Variants in DNM3 observed in about 807,000 individuals in gnomAD.
DNM3 encodes the protein dynamin-3.
DNM3 carries 47 observed loss-of-function variants against 101.6 expected under a neutral mutation model. That is an observed-to-expected ratio of 0.46 (90% CI 0.37 to 0.59). The LOEUF is 0.59. DNM3 is among the 20% of genes least tolerant of loss of function. The probability of loss-of-function intolerance (pLI) is 0.00; values close to 1 mark genes in which losing one functional copy is unlikely to be tolerated. For missense variants in DNM3, 849 were observed against 1,085.7 expected (o/e 0.78, Z 3.06); for synonymous variants, 385 against 387.9 (o/e 0.99, Z 0.09).
At position 172,015,557 on chromosome 1, in the gene DNM3, T is replaced by G. The variant is rs2047395808; in HGVS notation, c.590-16845T>G. 2.6e-5 allele frequency among the ~76,000 whole-genome samples: 4 copies of G among 152,302 alleles called. No homozygotes were observed. In the South Asian group the frequency reaches 8.3e-4, roughly 32 times the overall value. On this transcript the variant is annotated intron_variant, in intron 4 of 20. Coordinates refer to ENST00000627582, the MANE Select transcript of DNM3 (RefSeq NM_015569.5). ...TGTAAATAGTAATGTACTTTTAATT[T>G]CAAATTCTGCTTGTTTATTGCTGGT...
chr1:171,944,889 G>T, intron 2 of DNM3, among the ~76,000 whole-genome samples: 3 of 120,168 alleles, frequency 2.5e-5, no homozygotes, highest in Admixed American at 9.0e-5. Flanking sequence ...TTTGAGGCAG[G>T]GTCTCACTCT....
At chr1:172,014,857 T>C (rs1257305058) in intron 4 of DNM3, among the ~76,000 whole-genome samples, 3 of 152,134 alleles carry the variant, frequency 2.0e-5, no homozygotes, top group Non-Finnish European at 2.9e-5. Context: ...TCTAGAAAGT[T>C]ATTGCTGTAC....
chr1:172,105,424 G>A (rs1424631562), intron 13 of DNM3, among the ~76,000 whole-genome samples: 1 of 152,186 alleles, frequency 6.6e-6, no homozygotes, highest in Non-Finnish European at 1.5e-5. Flanking sequence ...CCTGGTGAAG[G>A]ATGAACTCTT....
intron 11 of DNM3, among the ~76,000 whole-genome samples, chr1:172,076,655 AG>A (rs1392386373): frequency 1.3e-5 from 2 of 152,146 alleles, no homozygotes; most frequent in African/African-American, 4.8e-5. Flanking sequence ...CTTGAGTCTC[AG>A]GGATGAAGCC....
intron 14 of DNM3, among the ~76,000 whole-genome samples, chr1:172,208,122 T>C (rs1425527059): frequency 6.6e-6 from 1 of 152,082 alleles, no homozygotes; most frequent in Non-Finnish European, 1.5e-5. Context: ...AAGTGAGAAT[T>C]TTGACTGATA....
chr1:171,963,004 C>A (rs1401484442), intron 2 of DNM3, among the ~76,000 whole-genome samples: 1 of 152,100 alleles, frequency 6.6e-6, no homozygotes, highest in East Asian at 1.9e-4. Flanking sequence ...TAAACATATC[C>A]TTAACATATT....
rs771331882 is a variant in DNM3, at chr1:172,017,871, TA to T, written c.590-14530del. 3.0e-4 allele frequency among the ~76,000 whole-genome samples: 46 copies of T among 152,180 alleles called. 1 individual carries two copies. Among genetic ancestry groups the T allele is most frequent in the Admixed American group, 2.8e-3 (43 of 15,280 alleles). ...CTTTCTGTTTCTCCTCAGGTATTTT[TA>T]TGCTCTGCTGTTAGATTCATACATG... On this transcript the variant is annotated intron_variant, in intron 4 of 20. Coordinates refer to ENST00000627582, the MANE Select transcript of DNM3 (RefSeq NM_015569.5).
intron 16 of DNM3, among the ~76,000 whole-genome samples, chr1:172,312,245 G>A (rs1302267218): frequency 2.0e-5 from 3 of 152,150 alleles, no homozygotes; most frequent in African/African-American, 4.8e-5. Context: ...ATAAACCATT[G>A]AGTCTACAAA....
intron 15 of DNM3, among the ~76,000 whole-genome samples, chr1:172,261,130 G>A (rs2062627632): frequency 6.6e-6 from 1 of 152,050 alleles, no homozygotes; most frequent in African/African-American, 2.4e-5. Context: ...TCTTTTTATT[G>A]GGATCTGTTG....
chr1:171,941,625 G>A (rs573506546), intron 2 of DNM3, among the ~76,000 whole-genome samples: 1 of 152,264 alleles, frequency 6.6e-6, no homozygotes, highest in African/African-American at 2.4e-5. Context: ...GTATATTTGT[G>A]TTCATCCTAA....
At chr1:171,997,778 G>A (rs1403919281) in intron 4 of DNM3, among the ~76,000 whole-genome samples, 2 of 152,096 alleles carry the variant, frequency 1.3e-5, no homozygotes, top group African/African-American at 4.8e-5. Context: ...TGCTCAGTAC[G>A]TGTTTCTGAT....
At chr1:171,979,750 T>C (rs16843654) in intron 2 of DNM3, among the ~76,000 whole-genome samples, 1 of 152,188 alleles carries the variant, frequency 6.6e-6, no homozygotes, top group Non-Finnish European at 1.5e-5. Flanking sequence ...AGAAGAAAAC[T>C]GTAAAGGCTA....
intron 17 of DNM3, among the ~76,000 whole-genome samples, chr1:172,373,567 T>TAC (rs2068456029): frequency 6.6e-6 from 1 of 152,104 alleles, no homozygotes; most frequent in African/African-American, 2.4e-5. Flanking sequence ...ATTTTTATTA[T>TAC]AAATGCAGCC....
chr1:172,337,871 A>T (rs867275755), intron 17 of DNM3, among the ~76,000 whole-genome samples: 88 of 75,236 alleles, frequency 1.2e-3, no homozygotes, highest in African/African-American at 0.012. Context: ...TTTTATTTTT[A>T]TTTTATTTTA....
At position 172,205,335 on chromosome 1, in the gene DNM3, C is replaced by T. The variant is rs368244819; in HGVS notation, c.1660-48238C>T. 2.4e-3 allele frequency among the ~76,000 whole-genome samples: 367 copies of T among 152,144 alleles called. 1 individual carries two copies. The highest frequency in any genetic ancestry group is 8.1e-3 in the African/African-American group (338 of 41,532). On this transcript the variant is annotated intron_variant, in intron 14 of 20. Coordinates refer to ENST00000627582, the MANE Select transcript of DNM3 (RefSeq NM_015569.5). ...AACTTTGCCTTTATTCAAGCTAGCT[C>T]GTCTAAATGGACTACCAGTTCTTAC...
intron 20 of DNM3, among the ~76,000 whole-genome samples, chr1:172,395,611 T>C (rs2069918855): frequency 6.6e-6 from 1 of 152,252 alleles, no homozygotes; most frequent in Non-Finnish European, 1.5e-5. Flanking sequence ...AAGAAAAACA[T>C]TGAGGATTTA....
At chr1:172,120,615 T>G (rs1383384236) in intron 13 of DNM3, among the ~76,000 whole-genome samples, 4 of 152,136 alleles carry the variant, frequency 2.6e-5, no homozygotes, top group Non-Finnish European at 5.9e-5. Context: ...CCACACTGAG[T>G]TTGCCTCTCC....
intron 17 of DNM3, among the ~76,000 whole-genome samples, chr1:172,355,319 A>C (rs2148994331): frequency 6.6e-6 from 1 of 152,270 alleles, no homozygotes; most frequent in South Asian, 2.1e-4. Flanking sequence ...ACTATATTTA[A>C]AAAATTTAAA....
chr1:172,336,295 AC>A (rs1372043914), intron 17 of DNM3, among the ~76,000 whole-genome samples: 1 of 152,106 alleles, frequency 6.6e-6, no homozygotes, highest in Admixed American at 6.5e-5. Flanking sequence ...ATTTGATTAA[AC>A]CCAGGGTTAA....
Sources: gnomAD v4.1 joint callset for allele counts (sites outside exome capture counted in the v4.1 genomes callset) on GRCh38, gnomAD v4.1.1 for gene constraint, MANE v1.5 for transcripts, NCBI Gene and HGNC (gene_info 2026-07-23, HGNC 2026-07-21) for gene names.